DLGAP2: variants seen among roughly 807,000 people sequenced by gnomAD.
DLGAP2 encodes the protein disks large-associated protein 2.
A neutral mutation model predicts 100.3 loss-of-function variants in DLGAP2; 26 were observed. That is an observed-to-expected ratio of 0.26 (90% CI 0.19 to 0.36). The LOEUF (loss-of-function observed/expected upper bound fraction) is 0.36, where lower values mean the gene tolerates loss of function less well. DLGAP2 is among the 10% of genes least tolerant of loss of function. DLGAP2 has a pLI of 1.00. For synonymous variants in DLGAP2, 886 were observed against 630.1 expected (o/e 1.41, Z -6.08); for missense variants, 1,858 against 1,453.2 (o/e 1.28, Z -4.53).
At chr8:1,021,401 G>A (rs988550932) in intron 2 of DLGAP2, among the ~76,000 whole-genome samples, 4 of 152,154 alleles carry the variant, frequency 2.6e-5, no homozygotes, top group African/African-American at 7.2e-5. Flanking sequence ...TGAGGGTGGC[G>A]TGTGGCATTT....
intron 2 of DLGAP2, among the ~76,000 whole-genome samples, chr8:1,092,508 G>A (rs1023446765): frequency 3.9e-5 from 6 of 152,192 alleles, no homozygotes; most frequent in Admixed American, 1.3e-4. Flanking sequence ...GGGAGCATGA[G>A]GGCCCTGGGT....
At chr8:1,056,075 C>T (rs916346044) in intron 2 of DLGAP2, among the ~76,000 whole-genome samples, 2 of 152,202 alleles carry the variant, frequency 1.3e-5, no homozygotes, top group South Asian at 2.1e-4. Context: ...TATTTCACCA[C>T]TGAGTAAGCA....
intron 3 of DLGAP2, among the ~76,000 whole-genome samples, chr8:1,356,074 G>A (rs541241539): frequency 6.6e-6 from 1 of 152,196 alleles, no homozygotes; most frequent in Non-Finnish European, 1.5e-5. Context: ...CTCACACTAC[G>A]CCAGCCAGTG....
chr8:779,531 A>G (rs1397018684), intron 1 of DLGAP2, among the ~76,000 whole-genome samples: 1 of 148,512 alleles, frequency 6.7e-6, no homozygotes, highest in East Asian at 2.0e-4. Context: ...TGGTGCCATC[A>G]TAGTTCACTG....
At chr8:1,160,696 G>A (rs1475361246) in intron 2 of DLGAP2, among the ~76,000 whole-genome samples, 2 of 152,202 alleles carry the variant, frequency 1.3e-5, no homozygotes, top group Non-Finnish European at 2.9e-5. Flanking sequence ...GGACAGTGCG[G>A]ACCCTAACAT....
At chr8:1,441,155 T>C (rs904942924) in intron 3 of DLGAP2, among the ~76,000 whole-genome samples, 1 of 152,198 alleles carries the variant, frequency 6.6e-6, no homozygotes. Context: ...AACAAAGAGA[T>C]GTATTAATAT....
intron 2 of DLGAP2, among the ~76,000 whole-genome samples, chr8:1,084,263 T>C (rs954873580): frequency 3.3e-5 from 5 of 152,238 alleles, no homozygotes; most frequent in African/African-American, 1.2e-4. Context: ...TATCATGTTA[T>C]ATTGATAAAT....
intron 3 of DLGAP2, among the ~76,000 whole-genome samples, chr8:1,359,505 C>T (rs923500568): frequency 7.9e-5 from 12 of 152,246 alleles, no homozygotes; most frequent in Admixed American, 6.5e-4. Flanking sequence ...AGCCTCCTGG[C>T]GAAGGGGCAA....
chr8:1,179,640 T>A (rs1349167316), intron 2 of DLGAP2, among the ~76,000 whole-genome samples: 1 of 152,260 alleles, frequency 6.6e-6, no homozygotes, highest in Non-Finnish European at 1.5e-5. Context: ...AAGCTGTTTT[T>A]CTATGTGTAT....
chr8:996,270 G>A (rs967785459), intron 2 of DLGAP2, among the ~76,000 whole-genome samples: 3 of 152,158 alleles, frequency 2.0e-5, no homozygotes, highest in Admixed American at 2.0e-4. Context: ...TACTTCCCCA[G>A]AATCACTCAG....
chr8:1,135,513 T>TTG (rs1442829581), intron 2 of DLGAP2, among the ~76,000 whole-genome samples: 6 of 135,526 alleles, frequency 4.4e-5, no homozygotes, highest in Admixed American at 7.3e-5. Context: ...GTTTTTTTTT[T>TTG]TTTTTTTTTT....
At chr8:1,064,238 A>T (rs757107733) in intron 2 of DLGAP2, among the ~76,000 whole-genome samples, 4 of 152,204 alleles carry the variant, frequency 2.6e-5, no homozygotes, top group Non-Finnish European at 5.9e-5. Context: ...TTGCTTTTTT[A>T]AGCCAAGTCA....
chr8:915,431 T>C (rs1369305561), intron 2 of DLGAP2, among the ~76,000 whole-genome samples: 1 of 151,974 alleles, frequency 6.6e-6, no homozygotes, highest in Non-Finnish European at 1.5e-5. Context: ...CCTGTAGTCC[T>C]AGCTACTCGG....
At chr8:1,678,763 A>G (rs1373837565) in intron 12 of DLGAP2, 134 bp downstream of exon 12, 3 of 951,678 alleles carry the variant, frequency 3.2e-6, no homozygotes, top group Non-Finnish European at 4.3e-6. Context: ...GCTTTCTAGT[A>G]TATCCCCCTC....
chr8:1,337,406 TG>T (rs1801307401), intron 3 of DLGAP2, among the ~76,000 whole-genome samples: 9 of 392 alleles, frequency 0.023, no homozygotes, highest in Non-Finnish European at 0.056. Context: ...ATGGTGATGA[TG>T]GTGATGGTGA....
At chr8:858,181 G>T (rs1797318123) in intron 1 of DLGAP2, among the ~76,000 whole-genome samples, 1 of 152,212 alleles carries the variant, frequency 6.6e-6, no homozygotes, top group Non-Finnish European at 1.5e-5. Context: ...TAGCAGCTTG[G>T]AAACAACCAA....
chr8:1,337,844 G>A (rs1428184504), intron 3 of DLGAP2, among the ~76,000 whole-genome samples: 1 of 152,196 alleles, frequency 6.6e-6, no homozygotes, highest in African/African-American at 2.4e-5. Flanking sequence ...TTCCAATTCA[G>A]TGAAAAAGAC....
chr8:1,341,623 T>G (rs1213047761), intron 3 of DLGAP2, among the ~76,000 whole-genome samples: 1 of 152,156 alleles, frequency 6.6e-6, no homozygotes, highest in Admixed American at 6.5e-5. Flanking sequence ...CCCCATAATC[T>G]TTGCAGGTAA....
At chr8:743,835 G>T (rs766512551) in intron 1 of DLGAP2, among the ~76,000 whole-genome samples, 1 of 152,360 alleles carries the variant, frequency 6.6e-6, no homozygotes, top group South Asian at 2.1e-4. Flanking sequence ...AAAATGTTGC[G>T]ATTGTGGGCA....
Sources: allele counts gnomAD v4.1 joint callset (sites outside exome capture counted in the v4.1 genomes callset), GRCh38; gene constraint gnomAD v4.1.1; transcripts MANE v1.5; gene names NCBI Gene and HGNC (gene_info 2026-07-23, HGNC 2026-07-21).